Variants in NDRG4 observed in about 807,000 individuals in gnomAD.
NDRG4 encodes the protein protein NDRG4.
A neutral mutation model predicts 55.8 loss-of-function variants in NDRG4; 38 were observed. The observed-to-expected ratio is 0.68, with a 90% CI of 0.53 to 0.89. The LOEUF (loss-of-function observed/expected upper bound fraction) is 0.89, where lower values mean the gene tolerates loss of function less well. NDRG4 is among the 40% of genes least tolerant of loss of function. The probability of loss-of-function intolerance (pLI) is 0.00; values close to 1 mark genes in which losing one functional copy is unlikely to be tolerated. For missense variants in NDRG4, 455 were observed against 468.6 expected (o/e 0.97, Z 0.27); for synonymous variants, 190 against 182.7 (o/e 1.04, Z -0.32).
upstream of NDRG4, among the ~76,000 whole-genome samples, chr16:58,498,587 C>T (rs1012371604): frequency 2.6e-5 from 4 of 152,206 alleles, no homozygotes; most frequent in Admixed American, 1.3e-4. Flanking sequence ...CAGCTACTGA[C>T]GTTGACATGC....
rs1272587658 is a variant in NDRG4, at chr16:58,511,529, A to G, written c.1012A>G (p.Ser338Gly). The change falls in exon 15 of 15, where the codon AGC (serine) becomes GGC (glycine). Residue 338 changes from serine to glycine, a missense_variant. Coordinates refer to ENST00000570248, the MANE Select transcript of NDRG4 (RefSeq NM_001242835.2). ...RPQACTHSESSEGLGQVNHTM... is the reference protein window; with the variant it reads ...RPQACTHSESGEGLGQVNHTM... Reference sequence around the variant, plus strand: ...ACAGGCCTGCACCCACTCAGAGAGCAGCGAGGGGCTGGGCCAGGTCAACCA... The same window carrying G: ...ACAGGCCTGCACCCACTCAGAGAGCGGCGAGGGGCTGGGCCAGGTCAACCA... The G allele has an allele frequency of 6.2e-7, 1 of 1,613,026 alleles. No individual in the cohort carries two copies. The highest frequency in any genetic ancestry group is 1.1e-5 in the South Asian group (1 of 91,082).
At chr16:58,487,787 G>C (rs1436724040) in exon 2 of NDRG4, 1 of 1,543,796 alleles carries the variant, frequency 6.5e-7, no homozygotes, top group Non-Finnish European at 8.7e-7. Flanking sequence ...CCATGGCCGG[G>C]CTGCAGGAGC....
In NDRG4 at chr16:58,513,160, T is replaced by C. The variant is rs1026307528; in HGVS notation, c.*1584T>C. ...TTCCAGATGTATCTATAAATATCTA[T>C]ACATTATATGTGTGTGTGTGTGTGT... On this transcript the variant is annotated 3_prime_UTR_variant, in exon 15 of 15. Transcript: ENST00000570248. 25 of 102,184 alleles carry C rather than the reference T, an allele frequency of 2.4e-4. No individual in the cohort carries two copies. The highest frequency in any genetic ancestry group is 9.8e-4 in the African/African-American group (24 of 24,438). 6.3% of individuals were successfully genotyped at this position (102,184 alleles called of 1,614,324 possible). A position where few individuals can be genotyped will look rare whatever the true frequency, so the allele number is the denominator to read the frequency against.
intron 1 of NDRG4, among the ~76,000 whole-genome samples, chr16:58,484,743 T>C (rs1380019241): frequency 2.0e-5 from 3 of 152,058 alleles, no homozygotes; most frequent in Non-Finnish European, 4.4e-5. Flanking sequence ...GAAAGAGCCA[T>C]TGCTGGCCAC....
chr16:58,509,030 C>A, intron 11 of NDRG4, 21 bp downstream of exon 11: 1 of 1,614,134 alleles, frequency 6.2e-7, no homozygotes, highest in Non-Finnish European at 8.5e-7. Flanking sequence ...CTTCCCCAGC[C>A]CTGGGCCAGC....
chr16:58,486,995 C>T (rs2035175250), intron 1 of NDRG4, among the ~76,000 whole-genome samples: 1 of 150,744 alleles, frequency 6.6e-6, no homozygotes, highest in African/African-American at 2.4e-5. Flanking sequence ...TGGGAGCCCT[C>T]TGGGGAGCTC....
In NDRG4 at chr16:58,512,555, C is replaced by T. The variant is rs933314741; in HGVS notation, c.*979C>T. Reference sequence around the variant, plus strand: ...CCAGGCTGTGCCAGTGTGTCCCGGACGCATCACTAAGGAAGAGAGAGTTTA... The same window carrying T: ...CCAGGCTGTGCCAGTGTGTCCCGGATGCATCACTAAGGAAGAGAGAGTTTA... On this transcript the variant is annotated 3_prime_UTR_variant, in exon 15 of 15. Transcript: ENST00000570248. 9 of 179,896 alleles carry T rather than the reference C, an allele frequency of 5.0e-5. No homozygotes were observed. Among genetic ancestry groups the T allele is most frequent in the Admixed American group, 1.1e-4 (2 of 18,186 alleles). The allele number at this position is 179,896 out of a possible 1,614,324, so 11.1% of individuals were successfully genotyped here. A position where few individuals can be genotyped will look rare whatever the true frequency, so the allele number is the denominator to read the frequency against.
chr16:58,482,665 A>ATCCCTACCTTCCTTCC (rs2034553473), intron 1 of NDRG4, among the ~76,000 whole-genome samples: 7 of 71,142 alleles, frequency 9.8e-5, no homozygotes, highest in Non-Finnish European at 3.0e-5. Flanking sequence ...CTCTCTTTCC[A>ATCCCTACCTTCCTTCC]TCCCTCCCTT....
At chr16:58,476,919 C>T (rs2033726485) in intron 1 of NDRG4, among the ~76,000 whole-genome samples, 1 of 151,984 alleles carries the variant, frequency 6.6e-6, no homozygotes, top group East Asian at 1.9e-4. Flanking sequence ...ATGACAGGAA[C>T]TCATCATAAG....
Position 58,505,434 on chromosome 16 carries a change from CA to C in NDRG4, c.372+790del, listed in dbSNP as rs1317816887. Among the ~76,000 whole-genome samples the C allele has an allele frequency of 2.9e-5, 3 of 103,714 alleles. No individual in the cohort carries two copies. In the East Asian group the frequency reaches 7.9e-4, roughly 27 times the overall value. 68.0% of individuals were successfully genotyped at this position (103,714 alleles called of 152,430 possible). A position where few individuals can be genotyped will look rare whatever the true frequency, so the allele number is the denominator to read the frequency against. On this transcript the variant is annotated intron_variant, in intron 5 of 14. Coordinates refer to ENST00000570248, the MANE Select transcript of NDRG4 (RefSeq NM_001242835.2). ...TAAAAACAAGCAAAAAAAAAAAAAA[CA>C]AAAACCCAAAAGACTAATTTTTCAC...
chr16:58,495,000 G>C, exon 3 of NDRG4: 1 of 1,613,516 alleles, frequency 6.2e-7, no homozygotes, highest in Non-Finnish European at 8.5e-7. Context: ...TGCAGACACA[G>C]ACTGGAAGGT....
intron 5 of NDRG4, 185 bp downstream of exon 5, chr16:58,504,834 T>TA (rs1269869373): frequency 1.6e-6 from 1 of 620,526 alleles, no homozygotes; most frequent in Non-Finnish European, 2.8e-6. Context: ...TTAACTTTTT[T>TA]AAAAAAGAGG....
chr16:58,491,271 G>C (rs1227290519), intron 2 of NDRG4, among the ~76,000 whole-genome samples: 1 of 151,934 alleles, frequency 6.6e-6, no homozygotes, highest in Non-Finnish European at 1.5e-5. Flanking sequence ...GTAAGACTCT[G>C]TCTCTAAATA....
chr16:58,507,519 G>A, intron 8 of NDRG4: 1 of 491,466 alleles, frequency 2.0e-6, no homozygotes, highest in Non-Finnish European at 3.6e-6. Context: ...AGAATAGAGA[G>A]ACCCAGGGCC....
chr16:58,480,113 G>A (rs1471247760), intron 1 of NDRG4, among the ~76,000 whole-genome samples: 1 of 152,022 alleles, frequency 6.6e-6, no homozygotes, highest in African/African-American at 2.4e-5. Context: ...CTGCCCCTCC[G>A]ATTTTTTGTT....
rs184489600 is a variant in NDRG4, at chr16:58,477,856, G to C, written c.-23-9900G>C. On this transcript the variant is annotated intron_variant, in intron 1 of 15. Coordinates refer to the NDRG4 transcript ENST00000258187. ...GTATCTTCCCACACTGCTTACAAAG[G>C]GAAAAATAGTAACATTTCAGTGGAG... is the stretch of plus-strand genomic sequence containing the variant. Among the ~76,000 whole-genome samples, 12 of 152,234 alleles carry C rather than the reference G, an allele frequency of 7.9e-5. No homozygotes were observed. The East Asian group carries it at 2.3e-3, about 29-fold the overall frequency.
At chr16:58,503,006 A>C (rs1251759817) in intron 1 of NDRG4, among the ~76,000 whole-genome samples, 1 of 152,238 alleles carries the variant, frequency 6.6e-6, no homozygotes, top group Non-Finnish European at 1.5e-5. Flanking sequence ...TAGTTCCCGC[A>C]AAGTCCCTGT....
rs1463475950 is a variant in NDRG4 at position 58,513,522 on chromosome 16, G to A, written c.*1946G>A. The A allele has an allele frequency of 6.6e-6, 1 of 152,046 alleles. No individual in the cohort carries two copies. Among genetic ancestry groups the A allele is most frequent in the Non-Finnish European group, 1.5e-5 (1 of 68,024 alleles). 9.4% of individuals were successfully genotyped at this position (152,046 alleles called of 1,614,324 possible). A position where few individuals can be genotyped will look rare whatever the true frequency, so the allele number is the denominator to read the frequency against. On this transcript the variant is annotated 3_prime_UTR_variant, in exon 15 of 15. Transcript: ENST00000570248. ...GGGTTTTGGGTTGAGGGTGCTAGGA[G>A]AGGATGGTCTCCACCCATCTTTCTA...
At chr16:58,486,473 G>T (rs1241785202) in intron 1 of NDRG4, among the ~76,000 whole-genome samples, 3 of 150,760 alleles carry the variant, frequency 2.0e-5, no homozygotes, top group African/African-American at 7.4e-5. Context: ...AAAAAAAAAA[G>T]TATCTTAATT....
Sources: gnomAD v4.1 joint callset for allele counts (sites outside exome capture counted in the v4.1 genomes callset) on GRCh38, gnomAD v4.1.1 for gene constraint, MANE v1.5 for transcripts, NCBI Gene and HGNC (gene_info 2026-07-23, HGNC 2026-07-21) for gene names.